The following TEF variants were observed in gnomAD, a reference collection of about 807,000 sequenced individuals.
TEF encodes the protein thyrotroph embryonic factor.
Under a neutral mutation model 20.8 loss-of-function variants are expected in TEF, and 3 were observed. That is an observed-to-expected ratio of 0.14 (90% CI 0.07 to 0.37). TEF has a LOEUF of 0.37. Among genes scored for constraint, TEF ranks in the 10% least tolerant of loss-of-function variants. TEF has a pLI of 1.00. For missense variants in TEF, 296 were observed against 397.9 expected, an observed-to-expected ratio of 0.74 and a Z score of 2.18; for synonymous variants, 180 against 171.1, an observed-to-expected ratio of 1.05 and a Z score of -0.41.
At chr22:41,388,133 A>G (rs1244992924) in intron 2 of TEF, among the ~76,000 whole-genome samples, 2 of 151,180 alleles carry the variant, frequency 1.3e-5, no homozygotes, top group Non-Finnish European at 2.9e-5. Flanking sequence ...AGTAGCTGGG[A>G]TTACAGGCAC....
At chr22:41,392,776 C>A (rs2037183614) in intron 2 of TEF, among the ~76,000 whole-genome samples, 2 of 151,756 alleles carry the variant, frequency 1.3e-5, no homozygotes, top group African/African-American at 2.4e-5. Context: ...GTGGCTCACA[C>A]CTGTAATCCC....
At position 41,398,521 on chromosome 22, in the gene TEF, A is replaced by G. The variant is rs367840543; in HGVS notation, c.*2561A>G. 1 of 153,756 alleles carries G rather than the reference A, an allele frequency of 6.5e-6. No homozygotes were observed. The highest frequency in any genetic ancestry group is 1.5e-5 in the Non-Finnish European group (1 of 68,052). 9.5% of individuals were successfully genotyped at this position (153,756 alleles called of 1,614,324 possible). A position where few individuals can be genotyped will look rare whatever the true frequency, so the allele number is the denominator to read the frequency against. On this transcript the variant is annotated 3_prime_UTR_variant, in exon 4 of 4. Transcript: ENST00000266304. ...CAACCTCAGAACAGACAAATCATGA[A>G]TGAGCTGGAACTTTGCAAGAATATT...
chr22:41,380,411 T>G (rs951955727), upstream of TEF, among the ~76,000 whole-genome samples: 4 of 152,202 alleles, frequency 2.6e-5, no homozygotes, highest in African/African-American at 9.7e-5. Context: ...CACCTCTGCC[T>G]CCCAAAGTGC....
At chr22:41,390,169 T>A (rs2037148741) in intron 2 of TEF, among the ~76,000 whole-genome samples, 1 of 152,126 alleles carries the variant, frequency 6.6e-6, no homozygotes, top group South Asian at 2.1e-4. Flanking sequence ...GGATTACAAG[T>A]GTGAGCCACT....
intron 2 of TEF, among the ~76,000 whole-genome samples, chr22:41,391,183 T>A (rs1344572656): frequency 6.6e-6 from 1 of 152,214 alleles, no homozygotes; most frequent in African/African-American, 2.4e-5. Context: ...AGCCTAAGTC[T>A]GATCATGCCA....
At chr22:41,379,108 G>C (rs959707335), upstream of TEF, among the ~76,000 whole-genome samples, 1 of 151,734 alleles carries the variant, frequency 6.6e-6, no homozygotes, top group Non-Finnish European at 1.5e-5. Context: ...TGGGAGACGC[G>C]GGTGGATCAC....
At chr22:41,371,959 G>T (rs1022847257) in intron 1 of TEF, among the ~76,000 whole-genome samples, 19 of 145,654 alleles carry the variant, frequency 1.3e-4, no homozygotes, top group African/African-American at 4.8e-4. Flanking sequence ...GTGTGGACTC[G>T]GTGCAGCCTG....
At chr22:41,367,718 T>A in intron 1 of TEF, 2 of 1,006,082 alleles carry the variant, frequency 2.0e-6, no homozygotes, top group Admixed American at 2.3e-5. Context: ...TCAGCAGTGG[T>A]GCGCCCTTGG....
rs983238800 is a variant in TEF, at chr22:41,369,100, A to G, written c.67+1501A>G. ...TCCCAGGATGCCCCCCAGCACACAC[A>G]TGAAGGGCGAGGCTGCCAGTGGGGC... On this transcript the variant is annotated intron_variant, in intron 1 of 3. Transcript: ENST00000406644. The G allele has an allele frequency of 6.1e-6, 6 of 985,160 alleles. No individual in the cohort carries two copies. In the African/African-American group the frequency reaches 1.0e-4, roughly 17 times the overall value. 61.0% of individuals were successfully genotyped at this position (985,160 alleles called of 1,614,324 possible).
chr22:41,382,532 G>A (rs1007602036), intron 1 of TEF, among the ~76,000 whole-genome samples: 1 of 152,120 alleles, frequency 6.6e-6, no homozygotes, highest in Non-Finnish European at 1.5e-5. Context: ...TGTTTAAATT[G>A]CTGGTTCCTG....
rs2145983414 is a variant in TEF at position 41,387,429 on chromosome 22, T to C, written c.236T>C (p.Met79Thr). ...ACCATGGCTGTCTCAGCCTCCCTCA[T>C]GCCACCCATCTGGGACAAGACCATC... ...ASTMAVSASLMPPIWDKTIPY... is the reference protein window; with the variant it reads ...ASTMAVSASLTPPIWDKTIPY... Residue 79 changes from methionine (M) to threonine (T), a missense_variant, in exon 2 of 4, where the codon ATG becomes ACG. Physicochemically the swap from Met to Thr is moderately conservative, Grantham distance 81 (BLOSUM62 -1). Around this residue, in one of 2 missense-constraint regions of TEF, gnomAD observed 194 missense variants for 317.8 expected, o/e 0.61. Coordinates refer to ENST00000266304, the MANE Select transcript of TEF (RefSeq NM_003216.4). 1 of 1,614,224 alleles carries C rather than the reference T, an allele frequency of 6.2e-7. No individual in the cohort carries two copies. Among genetic ancestry groups the C allele is most frequent in the African/African-American group, 1.3e-5 (1 of 75,058 alleles).
In TEF at chr22:41,398,074, A is replaced by G. The variant is rs2037251424; in HGVS notation, c.*2114A>G. 6.6e-6 allele frequency: 1 copy of G among 152,088 alleles called. No individual in the cohort carries two copies. 9.4% of individuals were successfully genotyped at this position (152,088 alleles called of 1,614,324 possible). A position where few individuals can be genotyped will look rare whatever the true frequency, so the allele number is the denominator to read the frequency against. ...GGCAGTGGGTATCGGGTTCTTTCCCAAAGTGCTTACTTGGAAAGAGTGTGG... is the reference window on the plus strand; with the variant it reads ...GGCAGTGGGTATCGGGTTCTTTCCCGAAGTGCTTACTTGGAAAGAGTGTGG... On this transcript the variant is annotated 3_prime_UTR_variant, in exon 4 of 4. Coordinates refer to ENST00000266304, the MANE Select transcript of TEF (RefSeq NM_003216.4).
At position 41,396,126 on chromosome 22, in the gene TEF, G is replaced by A. The variant is rs534116596; in HGVS notation, c.*166G>A. 2.1e-4 allele frequency: 148 copies of A among 720,050 alleles called. No homozygotes were observed. The highest frequency in any genetic ancestry group is 2.0e-3 in the African/African-American group (110 of 56,250). 44.6% of individuals were successfully genotyped at this position (720,050 alleles called of 1,614,324 possible). On this transcript the variant is annotated 3_prime_UTR_variant, in exon 4 of 4. Coordinates refer to ENST00000266304, the MANE Select transcript of TEF (RefSeq NM_003216.4). ...TCAGCTTCATTATACCATGGCCTGC[G>A]CACGTGGCGACGTCCCTGAGGGGCC...
At chr22:41,389,258 G>A (rs767852578) in intron 2 of TEF, among the ~76,000 whole-genome samples, 16 of 152,176 alleles carry the variant, frequency 1.1e-4, no homozygotes, top group Non-Finnish European at 1.6e-4. Flanking sequence ...AAAATTAGCC[G>A]GGTGTGGTGG....
At chr22:41,370,616 T>A (rs1013043703) in intron 1 of TEF, among the ~76,000 whole-genome samples, 4 of 151,966 alleles carry the variant, frequency 2.6e-5, no homozygotes, top group African/African-American at 7.3e-5. Flanking sequence ...TTCACCATGT[T>A]GGCCAGGCTG....
At chr22:41,384,651 A>AC (rs2037073936) in intron 1 of TEF, among the ~76,000 whole-genome samples, 1 of 152,084 alleles carries the variant, frequency 6.6e-6, no homozygotes, top group Non-Finnish European at 1.5e-5. Context: ...CCGTCTGCCT[A>AC]CCCCTTGTTG....
intron 3 of TEF, among the ~76,000 whole-genome samples, chr22:41,395,299 C>G (rs2037214102): frequency 6.6e-6 from 1 of 152,158 alleles, no homozygotes; most frequent in African/African-American, 2.4e-5. Context: ...AGCCACCATG[C>G]CTGGCCTGTT....
At chr22:41,373,173 C>T (rs1211133066) in intron 1 of TEF, among the ~76,000 whole-genome samples, 1 of 152,140 alleles carries the variant, frequency 6.6e-6, no homozygotes, top group East Asian at 1.9e-4. Context: ...TAACTTTGAC[C>T]GAGCACATGC....
At chr22:41,385,233 G>A (rs1040655452) in intron 1 of TEF, among the ~76,000 whole-genome samples, 26 of 152,154 alleles carry the variant, frequency 1.7e-4, no homozygotes, top group African/African-American at 6.0e-4. Flanking sequence ...GGTAGCGCAT[G>A]CCTGTAATCC....
Sources: allele counts gnomAD v4.1 joint callset (sites outside exome capture counted in the v4.1 genomes callset), GRCh38; gene constraint gnomAD v4.1.1; regional missense constraint gnomAD v4.1.1; transcripts MANE v1.5; gene names NCBI Gene and HGNC (gene_info 2026-07-23, HGNC 2026-07-21).